Variants in KAT2B observed in about 807,000 individuals in gnomAD.
The protein encoded by KAT2B is lysine acetyltransferase 2B.
Under a neutral mutation model 105.9 loss-of-function variants are expected in KAT2B, and 36 were observed. The observed-to-expected ratio is 0.34, with a 90% CI of 0.26 to 0.45. The LOEUF is 0.45. Ranked by LOEUF, KAT2B falls within the 20% of genes least tolerant of loss-of-function variation. KAT2B has a pLI of 1.00. For missense variants in KAT2B, 820 were observed against 1,021.6 expected (o/e 0.80, Z 2.69); for synonymous variants, 397 against 377.9 (o/e 1.05, Z -0.59).
intron 2 of KAT2B, among the ~76,000 whole-genome samples, chr3:20,081,478 G>GTA (rs1487678216): frequency 6.6e-6 from 1 of 152,146 alleles, no homozygotes; most frequent in African/African-American, 2.4e-5. Context: ...AGGTGCCAAG[G>GTA]TATACCCTTC....
intron 17 of KAT2B, among the ~76,000 whole-genome samples, chr3:20,151,371 G>A (rs1430759941): frequency 1.3e-5 from 2 of 151,792 alleles, no homozygotes; most frequent in Non-Finnish European, 2.9e-5. Context: ...AATGTATTTG[G>A]TTATAGGTTT....
At chr3:20,112,886 A>C (rs1035021911) in intron 6 of KAT2B, among the ~76,000 whole-genome samples, 1 of 152,252 alleles carries the variant, frequency 6.6e-6, no homozygotes, top group Non-Finnish European at 1.5e-5. Flanking sequence ...AGTTAGGTTC[A>C]AAACAACAAA....
intron 1 of KAT2B, among the ~76,000 whole-genome samples, chr3:20,061,636 A>G (rs1295431021): frequency 2.0e-5 from 3 of 151,072 alleles, no homozygotes; most frequent in African/African-American, 7.3e-5. Context: ...CCTCTCCAAC[A>G]CTGTTTTCTG....
At chr3:20,077,479 A>T (rs917795612) in intron 2 of KAT2B, among the ~76,000 whole-genome samples, 3 of 152,228 alleles carry the variant, frequency 2.0e-5, no homozygotes, top group African/African-American at 7.2e-5. Flanking sequence ...TACGGTAGCC[A>T]CTGGCCACAT....
At chr3:20,110,371 TAA>T (rs149128893) in intron 5 of KAT2B, among the ~76,000 whole-genome samples, 1 of 147,254 alleles carries the variant, frequency 6.8e-6, no homozygotes, top group Non-Finnish European at 1.5e-5. Flanking sequence ...TTCTGGGAGA[TAA>T]AAAAAAAATA....
At chr3:20,091,224 T>C (rs79867862) in intron 2 of KAT2B, among the ~76,000 whole-genome samples, 1,677 of 152,280 alleles carry the variant, frequency 0.011, 33 homozygotes, top group African/African-American at 0.038. Context: ...TTTCATGATT[T>C]AGTTTTGGTA....
chr3:20,072,238 C>A, intron 1 of KAT2B, 95 bp from the exon 2 acceptor site: 5 of 1,270,082 alleles, frequency 3.9e-6, no homozygotes, highest in Non-Finnish European at 5.7e-6. Flanking sequence ...GAGGGGATAG[C>A]TGTCATATAA....
At chr3:20,110,843 C>G (rs1699108666) in intron 5 of KAT2B, among the ~76,000 whole-genome samples, 1 of 152,120 alleles carries the variant, frequency 6.6e-6, no homozygotes, top group South Asian at 2.1e-4. Context: ...TGGCTTCCCT[C>G]TGGTCTGGGT....
intron 2 of KAT2B, among the ~76,000 whole-genome samples, chr3:20,084,432 T>C (rs963516783): frequency 6.6e-6 from 1 of 152,160 alleles, no homozygotes; most frequent in African/African-American, 2.4e-5. Flanking sequence ...TACTCACCCT[T>C]TGTACAGGGG....
At chr3:20,049,192 C>G (rs1172200110) in intron 1 of KAT2B, among the ~76,000 whole-genome samples, 1 of 152,116 alleles carries the variant, frequency 6.6e-6, no homozygotes. Context: ...TTTCAGTTTC[C>G]TCCTTGGTGA....
chr3:20,051,549 A>C (rs1207923512), intron 1 of KAT2B, among the ~76,000 whole-genome samples: 2 of 152,242 alleles, frequency 1.3e-5, no homozygotes, highest in Admixed American at 1.3e-4. Flanking sequence ...AGCCCAGTAC[A>C]TAAAGCTCCA....
chr3:20,094,734 C>T (rs1157583500), intron 2 of KAT2B, among the ~76,000 whole-genome samples: 1 of 152,070 alleles, frequency 6.6e-6, no homozygotes, highest in Non-Finnish European at 1.5e-5. Flanking sequence ...TAGTGTGTCT[C>T]AATCAGAAAG....
At chr3:20,149,530 T>C (rs1438643450) in intron 17 of KAT2B, among the ~76,000 whole-genome samples, 1 of 96,058 alleles carries the variant, frequency 1.0e-5, no homozygotes, top group Non-Finnish European at 2.0e-5. Flanking sequence ...ATTGTGGAAG[T>C]GTTAAAAATG....
chr3:20,081,606 A>C (rs1698520013), intron 2 of KAT2B, among the ~76,000 whole-genome samples: 1 of 152,146 alleles, frequency 6.6e-6, no homozygotes, highest in Non-Finnish European at 1.5e-5. Context: ...ACCAAAAGGA[A>C]TAAACTTTGC....
intron 2 of KAT2B, among the ~76,000 whole-genome samples, chr3:20,089,639 A>C (rs1698680174): frequency 6.6e-6 from 1 of 151,860 alleles, no homozygotes; most frequent in Non-Finnish European, 1.5e-5. Flanking sequence ...TGACCTTGTG[A>C]TTTGCCTGCC....
At chr3:20,119,573 CCTT>C (rs773353383) in intron 7 of KAT2B, 22 bp from the exon 8 acceptor site, 25 of 1,613,428 alleles carry the variant, frequency 1.5e-5, no homozygotes, top group Middle Eastern at 1.6e-4. Context: ...TCATCTAACA[CCTT>C]CTTCTCCTTT....
chr3:20,054,113 T>G (rs556393361), intron 1 of KAT2B, among the ~76,000 whole-genome samples: 1 of 148,950 alleles, frequency 6.7e-6, no homozygotes, highest in Admixed American at 6.7e-5. Context: ...CTTATTTTTT[T>G]TTGTTTTTGT....
intron 2 of KAT2B, among the ~76,000 whole-genome samples, chr3:20,073,904 A>C (rs2125182302): frequency 6.6e-6 from 1 of 152,356 alleles, no homozygotes; most frequent in Non-Finnish European, 1.5e-5. Flanking sequence ...ATTAACATTT[A>C]AAACAGGATC....
intron 10 of KAT2B, among the ~76,000 whole-genome samples, chr3:20,127,085 C>T (rs976823735): frequency 1.3e-5 from 2 of 152,114 alleles, no homozygotes; most frequent in African/African-American, 4.8e-5. Context: ...CATGTTTGTC[C>T]ATGACTTCCT....
Sources: allele counts gnomAD v4.1 joint callset (sites outside exome capture counted in the v4.1 genomes callset), GRCh38; gene constraint gnomAD v4.1.1; transcripts MANE v1.5; gene names NCBI Gene and HGNC (gene_info 2026-07-23, HGNC 2026-07-21).